Variants in FAM120A observed in about 807,000 individuals in gnomAD.
The protein encoded by FAM120A is constitutive coactivator of PPAR-gamma-like protein 1.
A neutral mutation model predicts 109.7 loss-of-function variants in FAM120A; 15 were observed. That is an observed-to-expected ratio of 0.14 (90% CI 0.09 to 0.21). FAM120A has a LOEUF of 0.21. Ranked by LOEUF, FAM120A falls within the 10% of genes least tolerant of loss-of-function variation. The probability of loss-of-function intolerance (pLI) is 1.00; values close to 1 mark genes in which losing one functional copy is unlikely to be tolerated. For missense variants in FAM120A, 899 were observed against 1,439.3 expected, an observed-to-expected ratio of 0.62 and a Z score of 6.07; for synonymous variants, 493 against 572.8, an observed-to-expected ratio of 0.86 and a Z score of 1.99.
intron 13 of FAM120A, among the ~76,000 whole-genome samples, chr9:93,557,330 A>G (rs906559333): frequency 3.9e-5 from 6 of 152,006 alleles, no homozygotes; most frequent in East Asian, 1.9e-4. Context: ...GTGTTTTGCT[A>G]TGTTGGTCAG....
chr9:93,516,588 G>C (rs1421052181), intron 7 of FAM120A, among the ~76,000 whole-genome samples: 2 of 152,098 alleles, frequency 1.3e-5, no homozygotes, highest in Non-Finnish European at 2.9e-5. Context: ...GTCCGGTGTG[G>C]TGCCACTCAC....
At chr9:93,458,376 C>T (rs1164418695) in intron 1 of FAM120A, among the ~76,000 whole-genome samples, 6 of 152,070 alleles carry the variant, frequency 3.9e-5, no homozygotes, top group Non-Finnish European at 8.8e-5. Flanking sequence ...CTGTAACTAG[C>T]TTGAACTTCA....
chr9:93,485,742 G>A (rs771172358), intron 3 of FAM120A, among the ~76,000 whole-genome samples: 6 of 149,834 alleles, frequency 4.0e-5, no homozygotes, highest in Non-Finnish European at 9.0e-5. Context: ...TGAGACTCTA[G>A]CCCCTGTCAC....
chr9:93,533,264 G>A (rs1403079160), intron 10 of FAM120A, among the ~76,000 whole-genome samples: 1 of 152,214 alleles, frequency 6.6e-6, no homozygotes, highest in Non-Finnish European at 1.5e-5. Context: ...GTGCAGTGCT[G>A]AGCTTTGGAA....
intron 1 of FAM120A, among the ~76,000 whole-genome samples, chr9:93,467,962 A>G (rs1236224710): frequency 6.6e-6 from 1 of 151,760 alleles, no homozygotes; most frequent in African/African-American, 2.4e-5. Context: ...ACTCACTGCA[A>G]CCTCTGCCTC....
intron 11 of FAM120A, among the ~76,000 whole-genome samples, chr9:93,545,780 CTTTTTT>C (rs774150537): frequency 7.8e-4 from 51 of 65,512 alleles, no homozygotes; most frequent in Non-Finnish European, 1.3e-3. Flanking sequence ...GGAAAGACTC[CTTTTTT>C]TTTTTTTTTT....
Position 93,532,830 on chromosome 9 carries a change from C to T in FAM120A, c.1909+501C>T, listed in dbSNP as rs1048066039. ...AGGTCGTGGGACTCACGGATCGTCG[C>T]AGGATTGTGATGATTTGTCTCGGAA... is the stretch of plus-strand genomic sequence containing the variant. On this transcript the variant is annotated intron_variant, in intron 10 of 17. Transcript: ENST00000277165. This position sits in a 1 kb window ranked among gnomAD's most constrained non-coding sequence, Gnocchi z 4.3. 6.6e-6 allele frequency among the ~76,000 whole-genome samples: 1 copy of T among 152,156 alleles called. No individual in the cohort carries two copies. The highest frequency in any genetic ancestry group is 1.5e-5 in the Non-Finnish European group (1 of 68,034).
rs777827813 is a variant in FAM120A at position 93,452,057 on chromosome 9, G to C, written c.142G>C (p.Val48Leu). Residue 48 changes from valine (V) to leucine (L), a missense_variant, in exon 1 of 18, where the codon GTG (valine) becomes CTG (leucine). By Grantham distance (32) the Val-to-Leu change is conservative. Around this residue, in one of 11 missense-constraint regions of FAM120A, gnomAD observed 258 missense variants for 451.4 expected, o/e 0.57. Transcript: ENST00000277165. The surrounding 1 kb of genome is among the most constrained non-coding windows in gnomAD (Gnocchi z 7.0). ...CCCGCAGACCCCGCTGCGCCTGCTGGTGGACGCCGACAACTGCCTGCACCG... is the reference window on the plus strand; with the variant it reads ...CCCGCAGACCCCGCTGCGCCTGCTGCTGGACGCCGACAACTGCCTGCACCG... ...RPPQTPLRLL[V>L]DADNCLHRLY... The C allele has an allele frequency of 6.3e-7, 1 of 1,589,628 alleles. No individual in the cohort carries two copies. Among genetic ancestry groups the C allele is most frequent in the South Asian group, 1.1e-5 (1 of 88,708 alleles).
chr9:93,513,801 C>T (rs112119911), intron 5 of FAM120A, among the ~76,000 whole-genome samples: 2,089 of 152,316 alleles, frequency 0.014, 33 homozygotes, highest in Middle Eastern at 0.096. Context: ...CCAAGGACAG[C>T]GTTTGCACTC....
At chr9:93,552,652 A>G (rs1271436644) in intron 12 of FAM120A, among the ~76,000 whole-genome samples, 2 of 152,262 alleles carry the variant, frequency 1.3e-5, no homozygotes, top group African/African-American at 2.4e-5. Flanking sequence ...TTTAAATGCT[A>G]CAAAAATTCC....
At chr9:93,484,996 G>A (rs1321766003) in intron 3 of FAM120A, among the ~76,000 whole-genome samples, 5 of 152,144 alleles carry the variant, frequency 3.3e-5, no homozygotes, top group South Asian at 4.1e-4. Flanking sequence ...AGTTCAAAAC[G>A]TCAGCCCTGT....
intron 1 of FAM120A, among the ~76,000 whole-genome samples, chr9:93,470,857 C>T (rs1002324895): frequency 6.6e-6 from 1 of 152,056 alleles, no homozygotes; most frequent in African/African-American, 2.4e-5. Flanking sequence ...TGTGTATTTT[C>T]AAGCAAGGTG....
At chr9:93,548,542 C>T (rs1588905232) in intron 11 of FAM120A, among the ~76,000 whole-genome samples, 1 of 152,086 alleles carries the variant, frequency 6.6e-6, no homozygotes, top group East Asian at 1.9e-4. Flanking sequence ...CTTAATGCCA[C>T]TGAACTGTAC....
At chr9:93,505,781 A>C (rs537008612) in intron 5 of FAM120A, among the ~76,000 whole-genome samples, 4 of 152,366 alleles carry the variant, frequency 2.6e-5, no homozygotes, top group Non-Finnish European at 5.9e-5. Flanking sequence ...AAGGAGAAAA[A>C]GAAAACATAA....
chr9:93,532,513 A>G lies in FAM120A; in HGVS notation c.1909+184A>G. ...CTTAGAAAAGGAGGAGAAGCCACAG[A>G]CTTTCTTCCTCAGTAACATTCCAAT... On this transcript the variant is annotated intron_variant, in intron 10 of 17. Coordinates refer to ENST00000277165, the MANE Select transcript of FAM120A (RefSeq NM_014612.5). The surrounding 1 kb of genome is among the most constrained non-coding windows in gnomAD (Gnocchi z 4.3). 1 of 609,002 alleles carries G rather than the reference A, an allele frequency of 1.6e-6. No homozygotes were observed. Among genetic ancestry groups the G allele is most frequent in the Non-Finnish European group, 2.9e-6 (1 of 343,618 alleles). 37.7% of individuals were successfully genotyped at this position (609,002 alleles called of 1,614,324 possible).
chr9:93,518,930 A>AT (rs576706111), intron 7 of FAM120A, among the ~76,000 whole-genome samples: 11 of 150,264 alleles, frequency 7.3e-5, no homozygotes, highest in East Asian at 3.9e-4. Context: ...TTTTTTTCTG[A>AT]TTTTTTTTTT....
chr9:93,563,048 C>T (rs1005086754), intron 17 of FAM120A, among the ~76,000 whole-genome samples: 7 of 151,972 alleles, frequency 4.6e-5, no homozygotes, highest in Admixed American at 2.0e-4. Flanking sequence ...GAGAAGGGTG[C>T]GTTAATATTT....
At chr9:93,536,247 A>G (rs1861511506) in intron 10 of FAM120A, among the ~76,000 whole-genome samples, 1 of 152,226 alleles carries the variant, frequency 6.6e-6, no homozygotes, top group African/African-American at 2.4e-5. Flanking sequence ...TCCATAAGCC[A>G]AAGAAAGAGT....
Position 93,452,948 on chromosome 9 carries a change from C to T in FAM120A, c.474+559C>T. The T allele has an allele frequency of 7.2e-7, 1 of 1,393,028 alleles. No homozygotes were observed. The highest frequency in any genetic ancestry group is 1.6e-5 in the South Asian group (1 of 62,568). 86.3% of individuals were successfully genotyped at this position (1,393,028 alleles called of 1,614,324 possible). On this transcript the variant is annotated intron_variant, in intron 1 of 17. Coordinates refer to ENST00000277165, the MANE Select transcript of FAM120A (RefSeq NM_014612.5). The surrounding 1 kb of genome is among the most constrained non-coding windows in gnomAD (Gnocchi z 7.0). ...CGTGTCTAAGGGCCAGTGCCCTGGC[C>T]TCTACTTCAGAACGCAGTGCCCTGT... is the stretch of plus-strand genomic sequence containing the variant.
Sources: gnomAD v4.1 joint callset for allele counts (sites outside exome capture counted in the v4.1 genomes callset) on GRCh38, gnomAD v4.1.1 for gene constraint, gnomAD v4.1.1 regional missense constraint, Gnocchi (gnomAD v3.1) non-coding constraint, MANE v1.5 for transcripts, NCBI Gene and HGNC (gene_info 2026-07-23, HGNC 2026-07-21) for gene names.